GALNT17: variants seen among roughly 807,000 people sequenced by gnomAD.
GALNT17 encodes the protein polypeptide N-acetylgalactosaminyltransferase 17.
Under a neutral mutation model 63.7 loss-of-function variants are expected in GALNT17, and 29 were observed. The observed-to-expected ratio is 0.46, with a 90% CI of 0.34 to 0.62. The LOEUF (loss-of-function observed/expected upper bound fraction) is 0.62, where lower values mean the gene tolerates loss of function less well. GALNT17 is among the 20% of genes least tolerant of loss of function. GALNT17 has a pLI of 0.01. For missense variants in GALNT17, 603 were observed against 799.6 expected, an observed-to-expected ratio of 0.75 and a Z score of 2.97; for synonymous variants, 305 against 318.3, an observed-to-expected ratio of 0.96 and a Z score of 0.45.
intron 1 of GALNT17, among the ~76,000 whole-genome samples, chr7:71,186,902 C>T (rs1372343187): frequency 6.6e-6 from 1 of 152,178 alleles, no homozygotes; most frequent in Non-Finnish European, 1.5e-5. Context: ...ACAGAGCTTG[C>T]GTTTCTCTTT....
intron 7 of GALNT17, among the ~76,000 whole-genome samples, chr7:71,667,316 T>G (rs1483591731): frequency 6.6e-6 from 1 of 152,234 alleles, no homozygotes; most frequent in Admixed American, 6.5e-5. Flanking sequence ...AAACCCCTTC[T>G]GGACACTTAG....
intron 5 of GALNT17, among the ~76,000 whole-genome samples, chr7:71,447,986 C>CT (rs1482216960): frequency 1.3e-5 from 2 of 152,132 alleles, no homozygotes; most frequent in Non-Finnish European, 2.9e-5. Context: ...GATCTCATGC[C>CT]TTTATCTTTT....
intron 6 of GALNT17, among the ~76,000 whole-genome samples, chr7:71,599,533 G>C (rs970865578): frequency 6.6e-6 from 1 of 151,962 alleles, no homozygotes; most frequent in Non-Finnish European, 1.5e-5. Flanking sequence ...CCCTCTACTG[G>C]AGCAGCTCTG....
intron 1 of GALNT17, among the ~76,000 whole-genome samples, chr7:71,210,073 C>G (rs1249502015): frequency 4.0e-5 from 6 of 151,880 alleles, no homozygotes; most frequent in Non-Finnish European, 2.9e-5. Context: ...TAGGCACCTG[C>G]CACCATGCCT....
At position 71,132,579 on chromosome 7, in the gene GALNT17, T is replaced by G. The variant is rs1787701072; in HGVS notation, c.-224T>G. ...ACTGAGCAGGCGTCTCGGGGAGCAC[T>G]TCTGCAGAGCGAGGACTTCCATGTG... On this transcript the variant is annotated 5_prime_UTR_variant, in exon 1 of 11. Coordinates refer to ENST00000333538, the MANE Select transcript of GALNT17 (RefSeq NM_022479.3). The G allele has an allele frequency of 3.7e-6, 2 of 547,146 alleles. No individual in the cohort carries two copies. The highest frequency in any genetic ancestry group is 3.2e-5 in the East Asian group (1 of 31,256). 33.9% of individuals were successfully genotyped at this position (547,146 alleles called of 1,614,324 possible). A position where few individuals can be genotyped will look rare whatever the true frequency, so the allele number is the denominator to read the frequency against.
At chr7:71,380,703 C>T (rs73360145) in intron 2 of GALNT17, among the ~76,000 whole-genome samples, 6,106 of 152,018 alleles carry the variant, frequency 0.04, 348 homozygotes, top group African/African-American at 0.13. Flanking sequence ...GAGTGATGGA[C>T]GAGGCAAGGC....
intron 2 of GALNT17, among the ~76,000 whole-genome samples, chr7:71,361,865 G>A (rs2527295): frequency 0.031 from 4,775 of 152,232 alleles, 250 homozygotes; most frequent in African/African-American, 0.11. Context: ...CAATTTGGGC[G>A]TTTGTTTATG....
chr7:71,329,336 G>A (rs6460650), intron 1 of GALNT17, among the ~76,000 whole-genome samples: 83,807 of 151,904 alleles, frequency 0.55, 23,436 homozygotes, highest in Non-Finnish European at 0.6. Context: ...AGCATGCTTG[G>A]TAGTCTTTTA....
intron 1 of GALNT17, among the ~76,000 whole-genome samples, chr7:71,184,809 C>A (rs1252836488): frequency 6.6e-6 from 1 of 152,116 alleles, no homozygotes; most frequent in Non-Finnish European, 1.5e-5. Context: ...TAGAACAGCA[C>A]TAAAAATAAT....
chr7:71,654,500 G>A (rs1012843360), intron 6 of GALNT17, among the ~76,000 whole-genome samples: 11 of 152,218 alleles, frequency 7.2e-5, no homozygotes, highest in Admixed American at 1.3e-4. Context: ...ACATAGTGGT[G>A]TACCTACTTC....
intron 6 of GALNT17, among the ~76,000 whole-genome samples, chr7:71,657,360 G>A (rs1790843753): frequency 6.6e-6 from 1 of 152,208 alleles, no homozygotes; most frequent in South Asian, 2.1e-4. Flanking sequence ...ATATATTGGA[G>A]AAGGTATGCT....
chr7:71,181,962 G>T (rs1788743423), intron 1 of GALNT17, among the ~76,000 whole-genome samples: 1 of 152,074 alleles, frequency 6.6e-6, no homozygotes, highest in Non-Finnish European at 1.5e-5. Flanking sequence ...GATCACCGGA[G>T]GTTGGGCGTT....
intron 6 of GALNT17, among the ~76,000 whole-genome samples, chr7:71,646,732 G>A (rs1431634928): frequency 1.4e-5 from 2 of 144,126 alleles, no homozygotes; most frequent in Admixed American, 7.8e-5. Context: ...GTCCCAAAAG[G>A]GGCATCCAAG....
At chr7:71,419,099 TATC>T (rs1390448428) in intron 4 of GALNT17, among the ~76,000 whole-genome samples, 3 of 151,978 alleles carry the variant, frequency 2.0e-5, no homozygotes, top group African/African-American at 7.2e-5. Context: ...AAAAAAGAAA[TATC>T]ATTGGAACCA....
At chr7:71,452,283 C>T (rs929278713) in intron 5 of GALNT17, among the ~76,000 whole-genome samples, 7 of 150,638 alleles carry the variant, frequency 4.6e-5, no homozygotes, top group African/African-American at 9.8e-5. Flanking sequence ...TGGTGGCTTA[C>T]GCCTGTAATC....
At chr7:71,144,803 A>G (rs116862290) in intron 1 of GALNT17, among the ~76,000 whole-genome samples, 5,125 of 152,030 alleles carry the variant, frequency 0.034, 131 homozygotes, top group Non-Finnish European at 0.047. Context: ...ATTTCATTTC[A>G]CTGCAACCTC....
At chr7:71,619,308 G>A (rs975841047) in intron 6 of GALNT17, among the ~76,000 whole-genome samples, 2 of 152,166 alleles carry the variant, frequency 1.3e-5, no homozygotes, top group East Asian at 3.8e-4. Context: ...TTTTAGAATA[G>A]TTTATTCTGA....
At chr7:71,594,787 T>C (rs971305560) in intron 6 of GALNT17, among the ~76,000 whole-genome samples, 1 of 152,188 alleles carries the variant, frequency 6.6e-6, no homozygotes, top group African/African-American at 2.4e-5. Context: ...TTAAAATAAC[T>C]GTAATCATTT....
At chr7:71,507,152 G>A (rs1245266307) in intron 5 of GALNT17, among the ~76,000 whole-genome samples, 1 of 152,130 alleles carries the variant, frequency 6.6e-6, no homozygotes, top group Non-Finnish European at 1.5e-5. Flanking sequence ...GAGGATCACT[G>A]GAGCCCAGGA....
Sources: gnomAD v4.1 joint callset for allele counts (sites outside exome capture counted in the v4.1 genomes callset) on GRCh38, gnomAD v4.1.1 for gene constraint, MANE v1.5 for transcripts, NCBI Gene and HGNC (gene_info 2026-07-23, HGNC 2026-07-21) for gene names.